Variants in GRAMD4 observed in about 807,000 individuals in gnomAD.
GRAMD4 encodes GRAM domain containing 4.
A neutral mutation model predicts 83.9 loss-of-function variants in GRAMD4; 25 were observed. That is an observed-to-expected ratio of 0.30 (90% CI 0.22 to 0.42). GRAMD4 has a LOEUF of 0.42. Ranked by LOEUF, GRAMD4 falls within the 10% of genes least tolerant of loss-of-function variation. GRAMD4 has a pLI of 1.00. For missense variants in GRAMD4, 593 were observed against 788.7 expected, an observed-to-expected ratio of 0.75 and a Z score of 2.97; for synonymous variants, 336 against 320.9, an observed-to-expected ratio of 1.05 and a Z score of -0.50.
chr22:46,639,975 G>A (rs1346418374), intron 3 of GRAMD4, among the ~76,000 whole-genome samples: 1 of 152,196 alleles, frequency 6.6e-6, no homozygotes. Flanking sequence ...CTGCAGTGGT[G>A]GCTCTGCTGG....
rs1217996754 is a variant in GRAMD4 at position 46,678,436 on chromosome 22, G to T, written c.*1185G>T. 5 of 984,236 alleles carry T rather than the reference G, an allele frequency of 5.1e-6. No homozygotes were observed. Among genetic ancestry groups the T allele is most frequent in the Non-Finnish European group, 6.0e-6 (5 of 829,528 alleles). The allele number at this position is 984,236 out of a possible 1,614,324, so 61.0% of individuals were successfully genotyped here. A position where few individuals can be genotyped will look rare whatever the true frequency, so the allele number is the denominator to read the frequency against. ...TGCCCCAGGGAAGCCTGGGCTTCCC[G>T]GGAACAAGGTGGCATTTGTGGAGGG... On this transcript the variant is annotated 3_prime_UTR_variant, in exon 19 of 19. Coordinates refer to ENST00000406902, the MANE Select transcript of GRAMD4 (RefSeq NM_015124.5).
intron 3 of GRAMD4, among the ~76,000 whole-genome samples, chr22:46,649,337 G>A (rs1324884420): frequency 2.0e-5 from 3 of 152,298 alleles, no homozygotes; most frequent in African/African-American, 7.2e-5. Context: ...GAGGTTGTGG[G>A]GGCGAGGGAT....
At position 46,673,758 on chromosome 22, in the gene GRAMD4, A is replaced by G; in HGVS notation, c.1328A>G (p.Lys443Arg). 6 of 1,613,126 alleles carry G rather than the reference A, an allele frequency of 3.7e-6. No individual in the cohort carries two copies. The highest frequency in any genetic ancestry group is 3.4e-6 in the Non-Finnish European group (4 of 1,179,972). Reference protein sequence around the residue: ...EEDAGRFHSTKKGNFHEIFNL... With the variant: ...EEDAGRFHSTRKGNFHEIFNL... The stretch of plus-strand genomic sequence containing the variant: ...GACGCCGGTCGCTTCCACAGCACCA[A>G]GAAGGGCAATTTCCACGAGATCTTC... The change falls in exon 15 of 19, where the codon AAG becomes AGG. Residue 443 changes from lysine (K) to arginine (R), a missense_variant. Physicochemically the swap from Lys to Arg is conservative, Grantham distance 26. Coordinates refer to ENST00000406902, the MANE Select transcript of GRAMD4 (RefSeq NM_015124.5).
At chr22:46,592,128 C>T (rs1019568586) in intron 1 of GRAMD4, among the ~76,000 whole-genome samples, 7 of 152,216 alleles carry the variant, frequency 4.6e-5, no homozygotes, top group East Asian at 1.9e-4. Context: ...GCAGGGCCAC[C>T]GGGGCTCAGG....
chr22:46,656,007 C>A (rs62232560), intron 3 of GRAMD4, among the ~76,000 whole-genome samples: 197 of 152,288 alleles, frequency 1.3e-3, no homozygotes, highest in Middle Eastern at 3.4e-3. Context: ...TGGAGGGAAC[C>A]AGCCTGATGA....
At chr22:46,637,702 C>T (rs545504110) in intron 2 of GRAMD4, 138 bp from the exon 3 acceptor site, 58 of 840,578 alleles carry the variant, frequency 6.9e-5, no homozygotes, top group Non-Finnish European at 1.0e-4. Flanking sequence ...TCCCCATGTC[C>T]AGAAACTGCA....
At chr22:46,584,017 G>A (rs73181061) in intron 1 of GRAMD4, among the ~76,000 whole-genome samples, 3 of 152,028 alleles carry the variant, frequency 2.0e-5, no homozygotes, top group East Asian at 1.9e-4. Context: ...ATGTGGGTTC[G>A]TGGATACTCA....
At chr22:46,667,009 G>A (rs2082420168) in intron 10 of GRAMD4, 136 bp downstream of exon 10, 5 of 568,236 alleles carry the variant, frequency 8.8e-6, no homozygotes, top group Non-Finnish European at 1.5e-5. Context: ...CTGGCCTGAA[G>A]AGGAGGGGAG....
intron 1 of GRAMD4, among the ~76,000 whole-genome samples, chr22:46,603,534 T>TTTTTTTTA (rs1555955319): frequency 2.8e-5 from 3 of 107,030 alleles, no homozygotes; most frequent in Admixed American, 1.1e-4. Context: ...TTTTTTTTTT[T>TTTTTTTTA]GAGATGGAGT....
intron 1 of GRAMD4, among the ~76,000 whole-genome samples, chr22:46,593,950 C>T (rs1222766396): frequency 6.6e-6 from 1 of 151,854 alleles, no homozygotes; most frequent in Non-Finnish European, 1.5e-5. Context: ...GTCTTGAACT[C>T]CTGACCTCAG....
At chr22:46,646,236 C>T (rs1054804248) in intron 3 of GRAMD4, among the ~76,000 whole-genome samples, 7 of 152,234 alleles carry the variant, frequency 4.6e-5, no homozygotes, top group East Asian at 1.9e-4. Flanking sequence ...TGCACTCACA[C>T]GGGCAGTGGC....
chr22:46,616,186 G>A (rs2081488925), upstream of GRAMD4, among the ~76,000 whole-genome samples: 1 of 106,328 alleles, frequency 9.4e-6, no homozygotes, highest in African/African-American at 3.8e-5. Context: ...ACGTTCCCCT[G>A]TGTGTACGTT....
chr22:46,674,646 T>G lies in GRAMD4; in HGVS notation c.1385-11T>G. ...AGTGGAAAGTGTGACAGGCGGGCCT[T>G]CTCCCATTAGTGTGCGAGAATGGCT... On this transcript the variant is annotated splice_polypyrimidine_tract_variant and intron_variant, in intron 15 of 18. Coordinates refer to ENST00000406902, the MANE Select transcript of GRAMD4 (RefSeq NM_015124.5). The G allele has an allele frequency of 3.1e-6, 5 of 1,588,796 alleles. No individual in the cohort carries two copies. The highest frequency in any genetic ancestry group is 4.3e-6 in the Non-Finnish European group (5 of 1,157,544).
intron 1 of GRAMD4, among the ~76,000 whole-genome samples, chr22:46,582,461 C>T (rs748493383): frequency 3.3e-5 from 5 of 152,170 alleles, no homozygotes; most frequent in Non-Finnish European, 5.9e-5. Context: ...CCAGCTGTGC[C>T]TCTGCTGTCA....
intron 3 of GRAMD4, among the ~76,000 whole-genome samples, chr22:46,643,216 TATCCATCCCTGG>T (rs1378005704): frequency 2.2e-4 from 18 of 82,904 alleles, no homozygotes; most frequent in Admixed American, 9.6e-4. Flanking sequence ...TCCATCCATT[TATCCATCCCTGG>T]ATCCATCCAT....
intron 3 of GRAMD4, among the ~76,000 whole-genome samples, chr22:46,649,510 GTTC>G (rs530351301): frequency 1.1e-3 from 161 of 152,332 alleles, no homozygotes; most frequent in African/African-American, 3.6e-3. Flanking sequence ...TGGGATCCTA[GTTC>G]TTCTTATTTG....
At chr22:46,628,653 G>T (rs2081715233) in intron 2 of GRAMD4, among the ~76,000 whole-genome samples, 1 of 152,162 alleles carries the variant, frequency 6.6e-6, no homozygotes, top group Admixed American at 6.5e-5. Flanking sequence ...GGGGCAGGTG[G>T]AGGGCTGCAG....
intron 1 of GRAMD4, among the ~76,000 whole-genome samples, chr22:46,583,041 C>T (rs753047594): frequency 2.0e-5 from 3 of 152,224 alleles, no homozygotes; most frequent in Non-Finnish European, 2.9e-5. Flanking sequence ...TCTCCTACCT[C>T]AGCCTCCCAA....
At chr22:46,633,156 C>T (rs981413393) in intron 2 of GRAMD4, among the ~76,000 whole-genome samples, 11 of 152,336 alleles carry the variant, frequency 7.2e-5, no homozygotes, top group African/African-American at 2.4e-4. Flanking sequence ...CCCCAGGCCT[C>T]CCCGAAAGTA....
Sources: allele counts gnomAD v4.1 joint callset (sites outside exome capture counted in the v4.1 genomes callset), GRCh38; gene constraint gnomAD v4.1.1; transcripts MANE v1.5; gene names NCBI Gene and HGNC (gene_info 2026-07-23, HGNC 2026-07-21).